PDIA6: variants seen among roughly 807,000 people sequenced by gnomAD.
PDIA6 encodes protein disulfide-isomerase A6.
In PDIA6, 29 loss-of-function variants were observed where a neutral mutation model predicts 58.4. That is an observed-to-expected ratio of 0.50 (90% confidence interval 0.37 to 0.68). PDIA6 has a LOEUF of 0.68. PDIA6 is among the 30% of genes least tolerant of loss of function. The probability of loss-of-function intolerance (pLI) is 0.00; values close to 1 mark genes in which losing one functional copy is unlikely to be tolerated. For synonymous variants in PDIA6, 192 were observed against 202.6 expected (o/e 0.95, Z 0.44); for missense variants, 480 against 551.0 (o/e 0.87, Z 1.29).
In PDIA6 at chr2:10,812,728, G is replaced by C. The variant is rs1160995198; in HGVS notation, c.-32C>G. 2.0e-6 allele frequency: 3 copies of C among 1,485,088 alleles called. No individual in the cohort carries two copies. Among genetic ancestry groups the C allele is most frequent in the Non-Finnish European group, 2.7e-6 (3 of 1,118,562 alleles). 92.0% of individuals were successfully genotyped at this position (1,485,088 alleles called of 1,614,324 possible). A position where few individuals can be genotyped will look rare whatever the true frequency, so the allele number is the denominator to read the frequency against. ...CGCCGGGCTACGTGCAGTCCCCACC[G>C]CCGCCGCCGCTTCAGCCCTGCAGCG... On this transcript the variant is annotated 5_prime_UTR_variant, in exon 1 of 13. Coordinates refer to ENST00000272227, the MANE Select transcript of PDIA6 (RefSeq NM_005742.4).
Position 10,784,191 on chromosome 2 carries a change from C to T in PDIA6, c.*67G>A. ...AGTCATCTGAGTGTAGAGAATGTCCCTTCACTGCTGGAAAAATCCACTGGC... is the reference window on the plus strand; with the variant it reads ...AGTCATCTGAGTGTAGAGAATGTCCTTTCACTGCTGGAAAAATCCACTGGC... On this transcript the variant is annotated 3_prime_UTR_variant, in exon 13 of 13. Transcript: ENST00000272227. 1 of 1,265,248 alleles carries T rather than the reference C, an allele frequency of 7.9e-7. No individual in the cohort carries two copies. Among genetic ancestry groups the T allele is most frequent in the Non-Finnish European group, 1.1e-6 (1 of 880,112 alleles). The allele number at this position is 1,265,248 out of a possible 1,614,324, so 78.4% of individuals were successfully genotyped here. A position where few individuals can be genotyped will look rare whatever the true frequency, so the allele number is the denominator to read the frequency against.
At position 10,793,168 on chromosome 2, in the gene PDIA6, C is replaced by G. The variant is rs114716918; in HGVS notation, c.381G>C (p.Ala127=). Residue 127 remains alanine, a synonymous_variant, in exon 5 of 13, where the codon GCG becomes GCC. Coordinates refer to ENST00000272227, the MANE Select transcript of PDIA6 (RefSeq NM_005742.4). ...TCACGAGCTGGCGCAGAGCACTCAG[C>G]GCAGCATCTACAATGGCTTCACCAG... ...GRTGEAIVDA[A]LSALRQLVKD... The G allele has an allele frequency of 6.2e-7, 1 of 1,613,966 alleles. No individual in the cohort carries two copies. Among genetic ancestry groups the G allele is most frequent in the Non-Finnish European group, 8.5e-7 (1 of 1,179,970 alleles).
intron 4 of PDIA6, among the ~76,000 whole-genome samples, chr2:10,793,413 A>ATTT (rs1666126849): frequency 6.6e-6 from 1 of 152,026 alleles, no homozygotes; most frequent in Non-Finnish European, 1.5e-5. Context: ...TTCCTTTTTT[A>ATTT]TTTATTATTA....
At position 10,812,775 on chromosome 2, in the gene PDIA6, G is replaced by A. The variant is rs960458900; in HGVS notation, c.-79C>T. Reference sequence around the variant, plus strand: ...AGCGTGCCGCACGCCGCGCCCCCGCGCCCACGTCCCGCCCCAGGCCAGTCC... The same window carrying A: ...AGCGTGCCGCACGCCGCGCCCCCGCACCCACGTCCCGCCCCAGGCCAGTCC... On this transcript the variant is annotated 5_prime_UTR_variant, in exon 1 of 13. Coordinates refer to ENST00000272227, the MANE Select transcript of PDIA6 (RefSeq NM_005742.4). 9.0e-6 allele frequency: 12 copies of A among 1,326,630 alleles called. No homozygotes were observed. The African/African-American group carries it at 1.4e-4, about 15-fold the overall frequency. The allele number at this position is 1,326,630 out of a possible 1,614,324, so 82.2% of individuals were successfully genotyped here. A position where few individuals can be genotyped will look rare whatever the true frequency, so the allele number is the denominator to read the frequency against.
chr2:10,802,424 T>C, intron 2 of PDIA6, 75 bp downstream of exon 2: 2 of 968,128 alleles, frequency 2.1e-6, no homozygotes, highest in African/African-American at 3.3e-5. Flanking sequence ...CTTAATAAAA[T>C]CAGATTTTTA....
chr2:10,809,088 C>A (rs112561185), intron 1 of PDIA6, among the ~76,000 whole-genome samples: 2 of 152,154 alleles, frequency 1.3e-5, no homozygotes, highest in Non-Finnish European at 2.9e-5. Flanking sequence ...GGATTACAGG[C>A]GTGAGCCACC....
At chr2:10,820,852 G>A (rs1667363697) in intron 1 of PDIA6, 1 of 702,838 alleles carries the variant, frequency 1.4e-6, no homozygotes, top group Non-Finnish European at 2.6e-6. Context: ...TTCTCCCGGA[G>A]GTCTCTTCTC....
intron 2 of PDIA6, among the ~76,000 whole-genome samples, chr2:10,800,797 G>A (rs1393568149): frequency 6.6e-6 from 1 of 151,966 alleles, no homozygotes; most frequent in Non-Finnish European, 1.5e-5. Context: ...TTTTCGTAGC[G>A]ATAGGGTCTT....
At chr2:10,808,567 A>C (rs1326430493) in intron 1 of PDIA6, among the ~76,000 whole-genome samples, 2 of 152,224 alleles carry the variant, frequency 1.3e-5, no homozygotes, top group East Asian at 3.8e-4. Flanking sequence ...ATCTGAATAA[A>C]ATGCCCAGAG....
In PDIA6 at chr2:10,810,322, T is replaced by C. The variant is rs116604192; in HGVS notation, c.19+2356A>G. 1,914 of 1,529,540 alleles carry C rather than the reference T, an allele frequency of 1.3e-3. 19 individuals are homozygous for C. In the African/African-American group the frequency reaches 0.021, roughly 17 times the overall value. The allele number at this position is 1,529,540 out of a possible 1,614,324, so 94.7% of individuals were successfully genotyped here. On this transcript the variant is annotated intron_variant, in intron 1 of 12. Coordinates refer to ENST00000272227, the MANE Select transcript of PDIA6 (RefSeq NM_005742.4). ...CAGGGGTATAATCCACAGAGCATCA[T>C]TAGGTAGACTGTGGCAGAATTAGGT...
At chr2:10,788,612 T>C (rs1040320883) in intron 10 of PDIA6, 85 bp downstream of exon 10, 2 of 914,236 alleles carry the variant, frequency 2.2e-6, no homozygotes, top group African/African-American at 3.3e-5. Flanking sequence ...AGAACACAGC[T>C]TACAAAAACA....
At chr2:10,795,476 C>T (rs984640067) in intron 4 of PDIA6, among the ~76,000 whole-genome samples, 1 of 121,834 alleles carries the variant, frequency 8.2e-6, no homozygotes, top group African/African-American at 2.6e-5. Context: ...TCCAAGGCCA[C>T]ATCTTCATCT....
chr2:10,792,468 T>C (rs188692064), intron 5 of PDIA6, among the ~76,000 whole-genome samples: 2 of 152,286 alleles, frequency 1.3e-5, no homozygotes, highest in African/African-American at 2.4e-5. Flanking sequence ...AAGTTTAAAA[T>C]AAAAGGCAAG....
At chr2:10,827,788 C>T (rs1482545744) in intron 1 of PDIA6, among the ~76,000 whole-genome samples, 1 of 150,020 alleles carries the variant, frequency 6.7e-6, no homozygotes, top group Non-Finnish European at 1.5e-5. Context: ...CACGCCACTG[C>T]ACTCCAGCCT....
At chr2:10,789,575 G>A (rs934796082) in intron 8 of PDIA6, among the ~76,000 whole-genome samples, 174 bp downstream of exon 8, 1 of 152,176 alleles carries the variant, frequency 6.6e-6, no homozygotes, top group Admixed American at 6.5e-5. Flanking sequence ...TTATTCTAAT[G>A]CTAAAAGTTA....
chr2:10,808,811 A>G (rs1407592875), intron 1 of PDIA6, among the ~76,000 whole-genome samples: 1 of 152,184 alleles, frequency 6.6e-6, no homozygotes, highest in South Asian at 2.1e-4. Flanking sequence ...TAATGGAGGG[A>G]AAAATGTAAT....
exon 2 of PDIA6, chr2:10,819,288 A>G (rs1310262363): frequency 1.1e-5 from 17 of 1,531,944 alleles, no homozygotes; most frequent in East Asian, 2.4e-5. Flanking sequence ...TGCATTAGCC[A>G]TGGTGGTTGA....
chr2:10,833,855 G>T (rs2148585710), upstream of PDIA6, among the ~76,000 whole-genome samples: 2 of 152,340 alleles, frequency 1.3e-5, no homozygotes, highest in Non-Finnish European at 2.9e-5. Context: ...GGAGCTCGAG[G>T]TGCCAAGACC....
intron 1 of PDIA6, among the ~76,000 whole-genome samples, chr2:10,803,977 C>T (rs1268698480): frequency 2.1e-5 from 3 of 142,442 alleles, no homozygotes; most frequent in Middle Eastern, 3.9e-3. Context: ...GGCGCTATCT[C>T]GGCTCACTGC....
Sources: allele counts gnomAD v4.1 joint callset (sites outside exome capture counted in the v4.1 genomes callset), GRCh38; gene constraint gnomAD v4.1.1; transcripts MANE v1.5; gene names NCBI Gene and HGNC (gene_info 2026-07-23, HGNC 2026-07-21).